Variants in LEKR1 observed in about 807,000 individuals in gnomAD.
LEKR1 encodes the protein leucine, glutamate and lysine rich 1.
In LEKR1, 59 loss-of-function variants were observed where a neutral mutation model predicts 72.4. The observed-to-expected ratio is 0.82, with a 90% CI of 0.66 to 1.01. The LOEUF (loss-of-function observed/expected upper bound fraction) is 1.01, where lower values mean the gene tolerates loss of function less well. LEKR1 is among the 50% of genes least tolerant of loss of function. The pLI is 0.00. For missense variants in LEKR1, 728 were observed against 759.2 expected, an observed-to-expected ratio of 0.96 and a Z score of 0.48; for synonymous variants, 257 against 263.2, an observed-to-expected ratio of 0.98 and a Z score of 0.23.
intron 3 of LEKR1, among the ~76,000 whole-genome samples, chr3:156,867,400 T>C (rs1424069557): frequency 1.3e-5 from 2 of 152,050 alleles, no homozygotes; most frequent in African/African-American, 4.8e-5. Context: ...AAGTCTACAA[T>C]TTTGATATAG....
chr3:156,889,833 A>G (rs1359380416), intron 3 of LEKR1, among the ~76,000 whole-genome samples: 4 of 152,224 alleles, frequency 2.6e-5, no homozygotes, highest in East Asian at 1.9e-4. Context: ...GTAAAAATCT[A>G]TCTTTTAAAA....
chr3:156,903,833 A>T (rs1024645381), intron 3 of LEKR1, among the ~76,000 whole-genome samples: 3 of 152,228 alleles, frequency 2.0e-5, no homozygotes, highest in Non-Finnish European at 4.4e-5. Flanking sequence ...CAAGGAAAGA[A>T]TCCTACAGAA....
chr3:156,859,577 T>C (rs1431042433), intron 3 of LEKR1, among the ~76,000 whole-genome samples: 1 of 152,186 alleles, frequency 6.6e-6, no homozygotes, highest in African/African-American at 2.4e-5. Flanking sequence ...TTGATAAAGC[T>C]ACATTGACAC....
At chr3:156,930,181 G>T (rs1431366922) in intron 5 of LEKR1, among the ~76,000 whole-genome samples, 1 of 151,900 alleles carries the variant, frequency 6.6e-6, no homozygotes, top group African/African-American at 2.4e-5. Flanking sequence ...ACAGAAAAAA[G>T]AATCAGTGAA....
In LEKR1 at chr3:156,992,660, T is replaced by C; in HGVS notation, c.835T>C (p.Ser279Pro). The change falls in exon 8 of 13, where the codon TCT becomes CCT. Residue 279 changes from serine (S) to proline (P), a missense_variant. Coordinates refer to ENST00000356539, the MANE Select transcript of LEKR1 (RefSeq NM_001004316.3). ...TCTTTTGTATTATTTTAGGAATAAA[T>C]CTAATGAAGCTGATGACTGTCAAAG... ...DNYKEMLMNK[S>P]NEADDCQREL... The C allele has an allele frequency of 1.2e-6, 1 of 856,104 alleles. No homozygotes were observed. The highest frequency in any genetic ancestry group is 1.5e-6 in the Non-Finnish European group (1 of 662,436). 53.0% of individuals were successfully genotyped at this position (856,104 alleles called of 1,614,324 possible).
At chr3:157,024,641 A>T (rs979068657) in intron 10 of LEKR1, 119 bp from the exon 11 acceptor site, 7 of 816,074 alleles carry the variant, frequency 8.6e-6, no homozygotes, top group Non-Finnish European at 1.1e-5. Context: ...GAATTTTTAA[A>T]ATAGTTTAAT....
intron 10 of LEKR1, among the ~76,000 whole-genome samples, chr3:157,013,162 A>G (rs548362992): frequency 5.1e-4 from 77 of 152,262 alleles, no homozygotes; most frequent in South Asian, 4.8e-3. Context: ...TACTAATGGA[A>G]TTAACGTGGA....
chr3:157,016,446 G>T (rs1733345281), intron 10 of LEKR1, among the ~76,000 whole-genome samples: 1 of 152,024 alleles, frequency 6.6e-6, no homozygotes, highest in African/African-American at 2.4e-5. Flanking sequence ...AGTTAGGGGG[G>T]CAATGAGGAA....
chr3:156,915,603 GTTGT>G (rs1171864027), intron 3 of LEKR1, among the ~76,000 whole-genome samples: 12 of 151,638 alleles, frequency 7.9e-5, no homozygotes, highest in Non-Finnish European at 8.8e-5. Context: ...TTTTAACGGG[GTTGT>G]TTGTTTGTTT....
At chr3:156,833,872 A>G (rs1054098234) in intron 2 of LEKR1, among the ~76,000 whole-genome samples, 76 of 151,778 alleles carry the variant, frequency 5.0e-4, no homozygotes, top group Non-Finnish European at 1.2e-4. Flanking sequence ...TAAAGGTAGC[A>G]TGTGGCTACC....
chr3:156,857,726 C>A (rs773023979), intron 3 of LEKR1, among the ~76,000 whole-genome samples: 4 of 152,078 alleles, frequency 2.6e-5, no homozygotes, highest in Admixed American at 6.5e-5. Context: ...CAAAATTGCC[C>A]ATGCTAATGG....
At chr3:156,889,012 G>C (rs1240693343) in intron 3 of LEKR1, among the ~76,000 whole-genome samples, 1 of 151,978 alleles carries the variant, frequency 6.6e-6, no homozygotes, top group African/African-American at 2.4e-5. Context: ...TCTTTGGCTA[G>C]ATATTGTATT....
At chr3:156,955,958 T>TA (rs34940582) in intron 6 of LEKR1, among the ~76,000 whole-genome samples, 3,658 of 147,398 alleles carry the variant, frequency 0.025, 159 homozygotes, top group African/African-American at 0.085. Context: ...GTAGAATAGT[T>TA]AAAAAAAAAA....
intron 6 of LEKR1, among the ~76,000 whole-genome samples, chr3:156,969,251 G>C (rs1300962749): frequency 6.6e-6 from 1 of 152,136 alleles, no homozygotes; most frequent in Admixed American, 6.5e-5. Flanking sequence ...TCAAAAGCTA[G>C]CAGAAGGCAA....
At chr3:156,924,788 A>T in intron 4 of LEKR1, 1 of 330,792 alleles carries the variant, frequency 3.0e-6, no homozygotes, top group Middle Eastern at 8.1e-4. Flanking sequence ...TGGATTTTCT[A>T]TTCTATTCCA....
At chr3:156,848,675 A>G (rs1219543181) in intron 2 of LEKR1, among the ~76,000 whole-genome samples, 1 of 152,214 alleles carries the variant, frequency 6.6e-6, no homozygotes, top group Non-Finnish European at 1.5e-5. Flanking sequence ...GAATAATAGA[A>G]CAGTATCAAC....
rs536399044 is a variant in LEKR1 at position 157,045,499 on chromosome 3, C to T, written c.1828C>T (p.Pro610Ser). ...CCTCAGCAAGGGCAGCCTAACCTCC[C>T]CTGCTGCAGCAGTCAGTAATCATGG... ...CSLSKGSLTS[P>S]AAAVSNHGER... The change falls in exon 13 of 13, where the codon CCT becomes TCT. Residue 610 changes from proline (P) to serine (S), a missense_variant. Pro to Ser is a moderately conservative substitution (Grantham distance 74, BLOSUM62 -1). Coordinates refer to ENST00000356539, the MANE Select transcript of LEKR1 (RefSeq NM_001004316.3). 3 of 1,614,138 alleles carry T rather than the reference C, an allele frequency of 1.9e-6. No homozygotes were observed. The East Asian group carries it at 6.7e-5, about 36-fold the overall frequency.
chr3:156,940,486 G>A (rs1450623785), intron 5 of LEKR1, among the ~76,000 whole-genome samples: 1 of 152,152 alleles, frequency 6.6e-6, no homozygotes, highest in African/African-American at 2.4e-5. Context: ...ACCTTGTGGG[G>A]ATCTTAATTT....
chr3:156,939,442 G>A (rs1726007372), intron 5 of LEKR1, among the ~76,000 whole-genome samples: 1 of 152,202 alleles, frequency 6.6e-6, no homozygotes, highest in Non-Finnish European at 1.5e-5. Context: ...CACTCAATCT[G>A]TGGTACTTTC....
Sources: gnomAD v4.1 joint callset for allele counts (sites outside exome capture counted in the v4.1 genomes callset) on GRCh38, gnomAD v4.1.1 for gene constraint, MANE v1.5 for transcripts, NCBI Gene and HGNC (gene_info 2026-07-23, HGNC 2026-07-21) for gene names.